Variants in CACNA1C observed in about 807,000 individuals in gnomAD.
CACNA1C encodes the protein calcium voltage-gated channel subunit alpha1 C.
A neutral mutation model predicts 229.0 loss-of-function variants in CACNA1C; 30 were observed. The observed-to-expected ratio is 0.13, with a 90% confidence interval of 0.10 to 0.18. The LOEUF (loss-of-function observed/expected upper bound fraction) is 0.18. CACNA1C is among the 10% of genes least tolerant of loss of function. The pLI, the probability that CACNA1C is intolerant of heterozygous loss-of-function variation, is 1.00. For synonymous variants in CACNA1C, 1,114 were observed against 1,132.5 expected (o/e 0.98, Z 0.33); for missense variants, 1,658 against 2,845.0 (o/e 0.58, Z 9.49).
intron 3 of CACNA1C, among the ~76,000 whole-genome samples, chr12:2,204,805 AG>A (rs2097703766): frequency 2.7e-5 from 1 of 36,490 alleles, no homozygotes; most frequent in Admixed American, 3.3e-4. Flanking sequence ...GGGTTGGGGG[AG>A]GGGGGAGGGA....
At chr12:2,455,695 G>A (rs2099413359) in intron 4 of CACNA1C, among the ~76,000 whole-genome samples, 3 of 152,102 alleles carry the variant, frequency 2.0e-5, no homozygotes, top group Admixed American at 2.0e-4. Context: ...TGCCTTCAAG[G>A]TCTGGATGGT....
chr12:2,168,399 C>T (rs1018806666), intron 3 of CACNA1C, among the ~76,000 whole-genome samples: 6 of 152,160 alleles, frequency 3.9e-5, no homozygotes, highest in Non-Finnish European at 7.3e-5. Context: ...TCTAGTATTC[C>T]GATCTTCCCA....
intron 5 of CACNA1C, among the ~76,000 whole-genome samples, chr12:2,471,837 C>T (rs1418717055): frequency 6.6e-6 from 1 of 152,194 alleles, no homozygotes; most frequent in East Asian, 1.9e-4. Flanking sequence ...CCTGCTACCA[C>T]ACCTGGCTAA....
intron 5 of CACNA1C, among the ~76,000 whole-genome samples, chr12:2,460,931 A>T (rs1454108919): frequency 6.6e-6 from 1 of 152,150 alleles, no homozygotes; most frequent in Non-Finnish European, 1.5e-5. Context: ...ACCATGGTGG[A>T]TCAGTGCACT....
chr12:2,164,094 C>T (rs997677054), intron 3 of CACNA1C, among the ~76,000 whole-genome samples: 4 of 152,176 alleles, frequency 2.6e-5, no homozygotes, highest in Non-Finnish European at 4.4e-5. Context: ...GCTGCAAGAC[C>T]CTGCTCCTTT....
At chr12:1,988,501 A>T (rs1171680357) in intron 1 of CACNA1C, among the ~76,000 whole-genome samples, 7 of 152,246 alleles carry the variant, frequency 4.6e-5, no homozygotes, top group Non-Finnish European at 1.0e-4. Context: ...GCAAAGATAA[A>T]TAACCCTCTG....
rs77709656 is a variant in CACNA1C, at chr12:2,273,474, C to G, written c.477+153044C>G. Among the ~76,000 whole-genome samples, 911 of 152,214 alleles carry G rather than the reference C, an allele frequency of 6.0e-3. 1 individual carries two copies. The highest frequency in any genetic ancestry group is 0.014 in the Middle Eastern group (4 of 294). On this transcript the variant is annotated intron_variant, in intron 3 of 46. Coordinates refer to ENST00000399655, the MANE Select transcript of CACNA1C (RefSeq NM_000719.7). ...GGCTGGCAGAGAAGAAACTGGACTCCCAGAGCCGGCTCTTTCTGTGGGCTG... is the reference window on the plus strand; with the variant it reads ...GGCTGGCAGAGAAGAAACTGGACTCGCAGAGCCGGCTCTTTCTGTGGGCTG...
At chr12:2,049,866 G>T (rs1007258833), upstream of CACNA1C, among the ~76,000 whole-genome samples, 2 of 152,148 alleles carry the variant, frequency 1.3e-5, no homozygotes, top group South Asian at 2.1e-4. Context: ...GCACACCCAG[G>T]GCTGTGTTCC....
intron 1 of CACNA1C, among the ~76,000 whole-genome samples, chr12:2,093,318 C>T (rs947164562): frequency 6.6e-6 from 1 of 152,172 alleles, no homozygotes; most frequent in Non-Finnish European, 1.5e-5. Flanking sequence ...CCAGTGGAGC[C>T]CCTGGTAGGC....
chr12:2,047,260 TA>T (rs1374495427), intron 1 of CACNA1C, among the ~76,000 whole-genome samples: 1 of 152,244 alleles, frequency 6.6e-6, no homozygotes, highest in Non-Finnish European at 1.5e-5. Context: ...GGGCACATAG[TA>T]GATACTCAAC....
In CACNA1C at chr12:2,410,568, A is replaced by G. The variant is rs1417378902; in HGVS notation, c.478-38408A>G. On this transcript the variant is annotated intron_variant, in intron 3 of 46. Transcript: ENST00000399655. The surrounding 1 kb of genome is among the most constrained non-coding windows in gnomAD (Gnocchi z 5.3). Reference sequence around the variant, plus strand: ...AGTAAAAAGCATCTGGACCCTGTGCATGTGCGTGTGCATGCGTGTGTGTGT... The same window carrying G: ...AGTAAAAAGCATCTGGACCCTGTGCGTGTGCGTGTGCATGCGTGTGTGTGT... Among the ~76,000 whole-genome samples, 1 of 152,114 alleles carries G rather than the reference A, an allele frequency of 6.6e-6. No individual in the cohort carries two copies. The highest frequency in any genetic ancestry group is 6.5e-5 in the Admixed American group (1 of 15,286).
intron 3 of CACNA1C, among the ~76,000 whole-genome samples, chr12:2,211,708 CT>C (rs1165331428): frequency 6.9e-6 from 1 of 144,750 alleles, no homozygotes; most frequent in African/African-American, 2.6e-5. Context: ...GTTACTCTTT[CT>C]GCTGCTTTTT....
rs1025990812 is a variant in CACNA1C at position 2,610,628 on chromosome 12, G to A, written c.3646G>A (p.Val1216Ile). 1 of 1,614,206 alleles carries A rather than the reference G, an allele frequency of 6.2e-7. No individual in the cohort carries two copies. The highest frequency in any genetic ancestry group is 1.1e-5 in the South Asian group (1 of 91,084). Residue 1216 changes from valine (V) to isoleucine (I), a missense_variant, in exon 28 of 47, where the codon GTC becomes ATC. Val to Ile is a conservative substitution (Grantham distance 29, BLOSUM62 3). This residue lies in a region of CACNA1C where 67 missense variants were observed against 106.4 expected (regional missense o/e 0.63). Transcript: ENST00000399655. ...GCACCAGTACAAAGTGTGGTACGTGGTCAACTCCACCTACTTCGAGTACCT... is the reference window on the plus strand; with the variant it reads ...GCACCAGTACAAAGTGTGGTACGTGATCAACTCCACCTACTTCGAGTACCT... The part of the protein sequence containing the change: ...NQHQYKVWYV[V>I]NSTYFEYLMF...
intron 7 of CACNA1C, among the ~76,000 whole-genome samples, chr12:2,501,541 C>G (rs893752832): frequency 6.6e-6 from 1 of 152,246 alleles, no homozygotes; most frequent in African/African-American, 2.4e-5. Context: ...AAAGAATGAC[C>G]TCACGGTTCC....
At chr12:2,446,136 G>C (rs2154562062) in intron 3 of CACNA1C, among the ~76,000 whole-genome samples, 1 of 151,758 alleles carries the variant, frequency 6.6e-6, no homozygotes, top group East Asian at 1.9e-4. Flanking sequence ...TGGATAGATG[G>C]ATGGATAAAT....
At chr12:2,378,617 C>G (rs906193039) in intron 3 of CACNA1C, among the ~76,000 whole-genome samples, 1 of 152,210 alleles carries the variant, frequency 6.6e-6, no homozygotes, top group Non-Finnish European at 1.5e-5. Context: ...GAAAGATGGT[C>G]TACTTTGTAT....
intron 29 of CACNA1C, among the ~76,000 whole-genome samples, chr12:2,617,149 A>G (rs1236679687): frequency 6.6e-6 from 1 of 152,156 alleles, no homozygotes; most frequent in Non-Finnish European, 1.5e-5. Context: ...CCGGTCCCCC[A>G]CCTGTTGTCC....
chr12:2,044,254 C>T (rs2050694947), intron 1 of CACNA1C, among the ~76,000 whole-genome samples: 1 of 152,180 alleles, frequency 6.6e-6, no homozygotes, highest in African/African-American at 2.4e-5. Context: ...TCAGCTGGGT[C>T]ATACGAATAC....
intron 3 of CACNA1C, among the ~76,000 whole-genome samples, chr12:2,430,526 T>C (rs1308696605): frequency 6.6e-6 from 1 of 152,046 alleles, no homozygotes; most frequent in Non-Finnish European, 1.5e-5. Flanking sequence ...ACACTTGCCT[T>C]GAGTTTGCTC....
Sources: gnomAD v4.1 joint callset for allele counts (sites outside exome capture counted in the v4.1 genomes callset) on GRCh38, gnomAD v4.1.1 for gene constraint, gnomAD v4.1.1 regional missense constraint, Gnocchi (gnomAD v3.1) non-coding constraint, MANE v1.5 for transcripts, NCBI Gene and HGNC (gene_info 2026-07-23, HGNC 2026-07-21) for gene names.